Variants in GRID1 observed in about 807,000 individuals in gnomAD.
GRID1 encodes glutamate receptor ionotropic, delta-1.
A neutral mutation model predicts 98.0 loss-of-function variants in GRID1; 28 were observed. The ratio of observed to expected loss-of-function variants is 0.29; its 90% confidence interval spans 0.21 to 0.39. The LOEUF is 0.39. Among genes scored for constraint, GRID1 ranks in the 10% least tolerant of loss-of-function variants. The pLI is 1.00. For missense variants in GRID1, 1,111 were observed against 1,340.5 expected (o/e 0.83, Z 2.67); for synonymous variants, 553 against 538.5 (o/e 1.03, Z -0.37).
intron 4 of GRID1, among the ~76,000 whole-genome samples, chr10:86,098,427 T>C (rs568204895): frequency 1.3e-5 from 2 of 152,346 alleles, no homozygotes; most frequent in South Asian, 4.1e-4. Flanking sequence ...ACTTGGATAC[T>C]GTCATTGCCT....
In GRID1 at chr10:85,940,659, G is replaced by T. The variant is rs17105984; in HGVS notation, c.727-24420C>A. On this transcript the variant is annotated intron_variant, in intron 4 of 15. Transcript: ENST00000327946. ...CTGCTTCCATAATAACTCATCCAAT[G>T]GATTGCTTTAAATTTAAAGGGTGCA... is the stretch of plus-strand genomic sequence containing the variant. 3.0e-3 allele frequency among the ~76,000 whole-genome samples: 464 copies of T among 152,296 alleles called. 9 individuals carry two copies. The East Asian group carries it at 0.053, about 17-fold the overall frequency.
chr10:86,287,398 C>T lies in GRID1; in HGVS notation c.235+76543G>A, dbSNP rs566357688. 3.0e-4 allele frequency among the ~76,000 whole-genome samples: 46 copies of T among 152,310 alleles called. 1 individual carries two copies. The highest frequency in any genetic ancestry group is 3.4e-3 in the Middle Eastern group (1 of 294). ...GGCACCATTCCTGGTCCCAGTAACG[C>T]ACCACTTAACTAAAAGCAGCTGCTG... On this transcript the variant is annotated intron_variant, in intron 2 of 15. Transcript: ENST00000327946.
At chr10:86,339,511 C>T (rs1445376382) in intron 2 of GRID1, among the ~76,000 whole-genome samples, 1 of 152,268 alleles carries the variant, frequency 6.6e-6, no homozygotes, top group Non-Finnish European at 1.5e-5. Context: ...AACCACACTG[C>T]AGGATGCACA....
chr10:85,855,616 C>A (rs1017673240), intron 7 of GRID1, among the ~76,000 whole-genome samples: 1 of 152,196 alleles, frequency 6.6e-6, no homozygotes, highest in Admixed American at 6.5e-5. Context: ...CACTTCAAAT[C>A]CAGCTTTCTA....
intron 12 of GRID1, among the ~76,000 whole-genome samples, chr10:85,669,394 C>T (rs1364841917): frequency 1.3e-5 from 2 of 152,208 alleles, no homozygotes; most frequent in African/African-American, 4.8e-5. Context: ...TCTGAGAGGG[C>T]TCCAAGGGCC....
At position 86,358,152 on chromosome 10, in the gene GRID1, G is replaced by A. The variant is rs535331505; in HGVS notation, c.235+5789C>T. Among the ~76,000 whole-genome samples, 5 of 152,304 alleles carry A rather than the reference G, an allele frequency of 3.3e-5. No homozygotes were observed. In the South Asian group the frequency reaches 1.0e-3, roughly 32 times the overall value. ...TGTGGAGGCTCCACAGGCTTACAGTGTGATGCTTCCAGGGTGAGCTTTGTA... is the reference window on the plus strand; with the variant it reads ...TGTGGAGGCTCCACAGGCTTACAGTATGATGCTTCCAGGGTGAGCTTTGTA... On this transcript the variant is annotated intron_variant, in intron 2 of 15. Coordinates refer to ENST00000327946, the MANE Select transcript of GRID1 (RefSeq NM_017551.3).
intron 8 of GRID1, among the ~76,000 whole-genome samples, chr10:85,813,858 G>A (rs941100560): frequency 3.3e-5 from 5 of 151,766 alleles, no homozygotes; most frequent in South Asian, 4.1e-4. Context: ...ATAGGGGTAA[G>A]GGAGGAGAGT....
intron 4 of GRID1, among the ~76,000 whole-genome samples, chr10:85,922,335 G>A (rs1841717212): frequency 1.3e-5 from 2 of 152,124 alleles, no homozygotes; most frequent in Admixed American, 6.5e-5. Context: ...TTGGCCTAAA[G>A]GAATAGTAAA....
At chr10:85,897,168 G>C (rs1364227516) in intron 5 of GRID1, among the ~76,000 whole-genome samples, 2 of 152,058 alleles carry the variant, frequency 1.3e-5, no homozygotes, top group Non-Finnish European at 2.9e-5. Flanking sequence ...TATTATAGAA[G>C]GAGCAGAAGG....
chr10:85,701,831 G>T (rs529592415), intron 12 of GRID1, among the ~76,000 whole-genome samples: 5 of 152,222 alleles, frequency 3.3e-5, no homozygotes, highest in South Asian at 2.1e-4. Context: ...TGGGGGCAAG[G>T]GTGGGAAGGG....
At chr10:86,158,417 A>G (rs1589391608) in intron 3 of GRID1, among the ~76,000 whole-genome samples, 2 of 152,296 alleles carry the variant, frequency 1.3e-5, no homozygotes, top group South Asian at 4.1e-4. Flanking sequence ...TTACTCACTC[A>G]CCTACTAAGC....
At chr10:86,243,509 C>A (rs1554864766) in intron 2 of GRID1, among the ~76,000 whole-genome samples, 1 of 152,140 alleles carries the variant, frequency 6.6e-6, no homozygotes, top group Non-Finnish European at 1.5e-5. Flanking sequence ...AGCTAGACAA[C>A]CCCACTTAAC....
At chr10:86,309,544 G>A (rs372848974) in intron 2 of GRID1, among the ~76,000 whole-genome samples, 3 of 152,118 alleles carry the variant, frequency 2.0e-5, no homozygotes, top group East Asian at 3.8e-4. Flanking sequence ...GTAAAGAATC[G>A]GAGAAGTCCA....
intron 5 of GRID1, among the ~76,000 whole-genome samples, chr10:85,899,110 C>G (rs1841340910): frequency 6.6e-6 from 1 of 152,156 alleles, no homozygotes; most frequent in Admixed American, 6.5e-5. Context: ...ACATAGGGTT[C>G]ATGGTTGACA....
At chr10:85,813,114 T>C (rs1197242945) in intron 8 of GRID1, among the ~76,000 whole-genome samples, 1 of 151,762 alleles carries the variant, frequency 6.6e-6, no homozygotes, top group Admixed American at 6.6e-5. Flanking sequence ...AATGGTTTAA[T>C]TGATGTGCCA....
rs187012236 is a variant in GRID1, at chr10:85,769,889, G to A, written c.1234-40275C>T. On this transcript the variant is annotated intron_variant, in intron 8 of 15. Coordinates refer to ENST00000327946, the MANE Select transcript of GRID1 (RefSeq NM_017551.3). ...GCCTGCCTCTGTAGGCTCCACCTCT[G>A]GGGGCAGGGCACAGACAAACAAAAA... 9.2e-4 allele frequency among the ~76,000 whole-genome samples: 140 copies of A among 152,308 alleles called. 1 individual carries two copies. The highest frequency in any genetic ancestry group is 2.1e-3 in the South Asian group (10 of 4,832).
At chr10:86,187,752 T>C (rs1845746770) in intron 3 of GRID1, among the ~76,000 whole-genome samples, 1 of 152,188 alleles carries the variant, frequency 6.6e-6, no homozygotes, top group Non-Finnish European at 1.5e-5. Flanking sequence ...GCACATGGAA[T>C]TGGCCATTAT....
At chr10:86,308,321 G>A (rs984388404) in intron 2 of GRID1, among the ~76,000 whole-genome samples, 36 of 152,232 alleles carry the variant, frequency 2.4e-4, no homozygotes, top group African/African-American at 8.4e-4. Flanking sequence ...ACATTGGGAT[G>A]AGGCCCTAGC....
rs749407867 is a variant in GRID1 at position 86,224,621 on chromosome 10, G to A, written c.236-17973C>T. On this transcript the variant is annotated intron_variant, in intron 2 of 15. Transcript: ENST00000327946. ...AGCTGTCCTGCACCTCCATCAACCCGTAGGGGCTCTAGGAAGCTAAAGGAA... is the reference window on the plus strand; with the variant it reads ...AGCTGTCCTGCACCTCCATCAACCCATAGGGGCTCTAGGAAGCTAAAGGAA... 9.3e-4 allele frequency among the ~76,000 whole-genome samples: 141 copies of A among 152,178 alleles called. 1 individual carries two copies. Among genetic ancestry groups the A allele is most frequent in the Non-Finnish European group, 2.0e-3 (136 of 68,014 alleles).
Sources: allele counts gnomAD v4.1 joint callset (sites outside exome capture counted in the v4.1 genomes callset), GRCh38; gene constraint gnomAD v4.1.1; transcripts MANE v1.5; gene names NCBI Gene and HGNC (gene_info 2026-07-23, HGNC 2026-07-21).